Variants in MTUS2 observed in about 807,000 individuals in gnomAD.
The protein encoded by MTUS2 is microtubule-associated tumor suppressor candidate 2.
In MTUS2, 40 loss-of-function variants were observed where a neutral mutation model predicts 114.1. The observed-to-expected ratio is 0.35, with a 90% CI of 0.27 to 0.46. The LOEUF is 0.46. Among genes scored for constraint, MTUS2 ranks in the 20% least tolerant of loss-of-function variants. MTUS2 has a pLI of 1.00. For synonymous variants in MTUS2, 688 were observed against 672.0 expected (o/e 1.02, Z -0.37); for missense variants, 1,679 against 1,705.4 (o/e 0.98, Z 0.27).
intron 9 of MTUS2, among the ~76,000 whole-genome samples, chr13:29,462,032 C>A (rs183525673): frequency 1.4e-4 from 21 of 152,152 alleles, no homozygotes; most frequent in African/African-American, 5.1e-4. Context: ...ATCACAAGTA[C>A]AAAGGCCCTG....
At chr13:29,403,104 T>C (rs117272632) in intron 8 of MTUS2, among the ~76,000 whole-genome samples, 168 of 152,320 alleles carry the variant, frequency 1.1e-3, no homozygotes, top group Middle Eastern at 6.8e-3. Flanking sequence ...CCATCTCACT[T>C]GCTTCTCACT....
intron 6 of MTUS2, among the ~76,000 whole-genome samples, chr13:29,303,749 C>A (rs965225059): frequency 6.6e-6 from 1 of 152,126 alleles, no homozygotes; most frequent in African/African-American, 2.4e-5. Flanking sequence ...CCCAGCCTAG[C>A]AAGACATGCC....
intron 2 of MTUS2, among the ~76,000 whole-genome samples, chr13:28,906,762 CT>C (rs1225554480): frequency 6.6e-6 from 1 of 151,346 alleles, no homozygotes; most frequent in African/African-American, 2.4e-5. Context: ...CTGTAGATGT[CT>C]ATTAGGTCTG....
At chr13:29,441,860 TC>T (rs1333989649) in intron 9 of MTUS2, among the ~76,000 whole-genome samples, 1 of 151,986 alleles carries the variant, frequency 6.6e-6, no homozygotes, top group East Asian at 1.9e-4. Context: ...TCTGCCTCCT[TC>T]CCCACTGATG....
At position 29,270,404 on chromosome 13, in the gene MTUS2, G is replaced by T. The variant is rs77831278; in HGVS notation, c.2645-11300G>T. Among the ~76,000 whole-genome samples the T allele has an allele frequency of 4.6e-4, 70 of 152,230 alleles. 1 individual carries two copies. The East Asian group carries it at 0.011, about 23-fold the overall frequency. ...GCCGCATGCCTGTCACAAAACATGA[G>T]CAAGCTTCTAGCACTACTTCTCAGA... On this transcript the variant is annotated intron_variant, in intron 5 of 15. Transcript: ENST00000612955.
chr13:29,195,879 C>A (rs1355760568), intron 5 of MTUS2, among the ~76,000 whole-genome samples: 1 of 152,120 alleles, frequency 6.6e-6, no homozygotes, highest in Non-Finnish European at 1.5e-5. Context: ...GAGGCTATAT[C>A]CAGCCTCATG....
chr13:29,280,091 G>A (rs1193838972), intron 5 of MTUS2, among the ~76,000 whole-genome samples: 3 of 152,196 alleles, frequency 2.0e-5, no homozygotes, highest in African/African-American at 7.2e-5. Context: ...ATTCCTGAGA[G>A]AGTCTCTGAG....
chr13:29,224,047 T>C (rs1183757127), intron 5 of MTUS2, among the ~76,000 whole-genome samples: 1 of 152,230 alleles, frequency 6.6e-6, no homozygotes, highest in Non-Finnish European at 1.5e-5. Context: ...CATTCCTTGC[T>C]GCTCCACACC....
At chr13:29,028,438 T>C (rs147472358) in intron 3 of MTUS2, among the ~76,000 whole-genome samples, 1 of 152,204 alleles carries the variant, frequency 6.6e-6, no homozygotes, top group East Asian at 1.9e-4. Flanking sequence ...GCCTGTAGGA[T>C]GGCTCTGCCT....
intron 8 of MTUS2, among the ~76,000 whole-genome samples, chr13:29,439,189 A>G (rs1338408630): frequency 1.3e-5 from 2 of 152,246 alleles, no homozygotes; most frequent in African/African-American, 2.4e-5. Context: ...GAATTTATAT[A>G]GCACATCTTT....
At position 29,029,837 on chromosome 13, in the gene MTUS2, C is replaced by T. The variant is rs537024724; in HGVS notation, c.2205+2934C>T. Among the ~76,000 whole-genome samples the T allele has an allele frequency of 5.8e-4, 89 of 152,296 alleles. 2 individuals carry two copies. In the South Asian group the frequency reaches 0.016, roughly 27 times the overall value. Reference sequence around the variant, plus strand: ...CTCATGGGAACTAATAGAGCAAGAACTTGCTCATTACCAAAAGGAGGGCAC... The same window carrying T: ...CTCATGGGAACTAATAGAGCAAGAATTTGCTCATTACCAAAAGGAGGGCAC... On this transcript the variant is annotated intron_variant, in intron 3 of 15. Transcript: ENST00000612955.
intron 8 of MTUS2, among the ~76,000 whole-genome samples, chr13:29,391,569 T>C (rs1873467765): frequency 6.6e-6 from 1 of 152,132 alleles, no homozygotes; most frequent in Non-Finnish European, 1.5e-5. Context: ...ATGGTGATGC[T>C]CTTGAGAGAT....
chr13:29,172,382 A>G (rs1001665202), intron 5 of MTUS2, among the ~76,000 whole-genome samples: 5 of 152,226 alleles, frequency 3.3e-5, no homozygotes, highest in African/African-American at 1.2e-4. Flanking sequence ...AGGTACATCA[A>G]GGACTGACTC....
intron 4 of MTUS2, among the ~76,000 whole-genome samples, chr13:29,098,841 T>C (rs1172269577): frequency 6.6e-6 from 1 of 152,216 alleles, no homozygotes; most frequent in Non-Finnish European, 1.5e-5. Context: ...AAAATATAGT[T>C]TGTTTTTCAG....
chr13:29,318,863 C>T (rs934966017), intron 6 of MTUS2, among the ~76,000 whole-genome samples: 9 of 152,100 alleles, frequency 5.9e-5, no homozygotes, highest in South Asian at 2.1e-4. Flanking sequence ...TACACTATGG[C>T]GAAACAGTCT....
chr13:29,495,383 A>T (rs1882484406), intron 12 of MTUS2, among the ~76,000 whole-genome samples: 1 of 147,198 alleles, frequency 6.8e-6, no homozygotes, highest in Non-Finnish European at 1.5e-5. Context: ...AAAAAAAAGG[A>T]AGTAACTGGA....
chr13:28,907,010 G>A (rs1880067617), intron 2 of MTUS2, among the ~76,000 whole-genome samples: 1 of 151,428 alleles, frequency 6.6e-6, no homozygotes, highest in African/African-American at 2.4e-5. Flanking sequence ...GAGAAAGGTC[G>A]GGTTACCCAC....
chr13:29,492,109 GTGTGGT>G (rs1186085243), intron 11 of MTUS2, among the ~76,000 whole-genome samples: 1 of 139,742 alleles, frequency 7.2e-6, no homozygotes, highest in African/African-American at 3.1e-5. Context: ...GTGTGTATGT[GTGTGGT>G]GTGTGTGTGT....
chr13:29,295,533 G>A (rs1898903067), intron 6 of MTUS2, among the ~76,000 whole-genome samples: 1 of 151,886 alleles, frequency 6.6e-6, no homozygotes, highest in East Asian at 1.9e-4. Context: ...TTATCTTTGT[G>A]TGCTTGGCTT....
Sources: allele counts gnomAD v4.1 joint callset (sites outside exome capture counted in the v4.1 genomes callset), GRCh38; gene constraint gnomAD v4.1.1; transcripts MANE v1.5; gene names NCBI Gene and HGNC (gene_info 2026-07-23, HGNC 2026-07-21).